Variants in TTC27 observed in about 807,000 individuals in gnomAD.
TTC27 encodes the protein tetratricopeptide repeat domain 27.
In TTC27, 79 loss-of-function variants were observed where a neutral mutation model predicts 115.9. The observed-to-expected ratio is 0.68, with a 90% CI of 0.57 to 0.82. TTC27 has a LOEUF of 0.82. TTC27 is among the 40% of genes least tolerant of loss of function. TTC27 has a pLI of 0.00. For missense variants in TTC27, 1,054 were observed against 993.1 expected, an observed-to-expected ratio of 1.06 and a Z score of -0.82; for synonymous variants, 401 against 356.0, an observed-to-expected ratio of 1.13 and a Z score of -1.42.
intron 9 of TTC27, among the ~76,000 whole-genome samples, chr2:32,699,082 A>G (rs1489326595): frequency 6.6e-6 from 1 of 152,232 alleles, no homozygotes; most frequent in Non-Finnish European, 1.5e-5. Flanking sequence ...AAAAGAAGAC[A>G]GAAGAAAAGT....
chr2:32,702,613 A>G (rs1667225772), intron 9 of TTC27, among the ~76,000 whole-genome samples, 194 bp from the exon 10 acceptor site: 1 of 152,250 alleles, frequency 6.6e-6, no homozygotes, highest in South Asian at 2.1e-4. Context: ...AATGCCAGAA[A>G]GCATTCTCAT....
chr2:32,751,388 A>G (rs1323079714), intron 12 of TTC27, among the ~76,000 whole-genome samples: 1 of 151,826 alleles, frequency 6.6e-6, no homozygotes, highest in African/African-American at 2.4e-5. Flanking sequence ...TTACTCTTTT[A>G]ATGAGAAGAG....
intron 10 of TTC27, among the ~76,000 whole-genome samples, chr2:32,706,732 T>C (rs1381828011): frequency 1.3e-5 from 2 of 151,922 alleles, no homozygotes; most frequent in African/African-American, 4.8e-5. Context: ...GCCCAGCTAA[T>C]TTTGTATTTT....
At chr2:32,791,206 A>G (rs1282562043) in intron 16 of TTC27, among the ~76,000 whole-genome samples, 3 of 152,220 alleles carry the variant, frequency 2.0e-5, no homozygotes, top group African/African-American at 7.2e-5. Context: ...ATCCTTGCAG[A>G]CGAATCCTCA....
chr2:32,695,644 T>C (rs942274138), intron 9 of TTC27, among the ~76,000 whole-genome samples: 1 of 139,180 alleles, frequency 7.2e-6, no homozygotes, highest in Non-Finnish European at 1.5e-5. Flanking sequence ...ACTTAAACCC[T>C]GGAGGCGGAG....
At chr2:32,650,016 A>T in intron 4 of TTC27, 115 bp from the exon 5 acceptor site, 1 of 809,104 alleles carries the variant, frequency 1.2e-6, no homozygotes, top group Non-Finnish European at 2.0e-6. Flanking sequence ...GGGTAATCTT[A>T]TTGAGGAATA....
intron 18 of TTC27, among the ~76,000 whole-genome samples, chr2:32,813,013 G>C (rs1304129305): frequency 6.6e-6 from 1 of 152,152 alleles, no homozygotes; most frequent in East Asian, 1.9e-4. Flanking sequence ...ATGCAGAGCT[G>C]TAGCATATAC....
chr2:32,805,992 G>T (rs1219613902), intron 16 of TTC27, among the ~76,000 whole-genome samples: 1 of 152,062 alleles, frequency 6.6e-6, no homozygotes, highest in Non-Finnish European at 1.5e-5. Context: ...AATATCTCCA[G>T]TACTTTGGAC....
chr2:32,698,002 C>G (rs115433645), intron 9 of TTC27, among the ~76,000 whole-genome samples: 2,642 of 152,244 alleles, frequency 0.017, 65 homozygotes, highest in African/African-American at 0.061. Flanking sequence ...ATCTGCCTGC[C>G]TCAGCCCCAA....
intron 12 of TTC27, among the ~76,000 whole-genome samples, chr2:32,737,938 C>T (rs1318763913): frequency 6.6e-6 from 1 of 152,022 alleles, no homozygotes; most frequent in Non-Finnish European, 1.5e-5. Context: ...ATCACTTGGG[C>T]CTGGGAGGTT....
At position 32,736,772 on chromosome 2, in the gene TTC27, G is replaced by A. The variant is rs373919465; in HGVS notation, c.1408G>A (p.Glu470Lys). Residue 470 changes from glutamate to lysine, a missense_variant, in exon 12 of 20, where the codon GAA (glutamate) becomes AAA (lysine). Transcript: ENST00000317907. ...GATATTTGAAAAGCTAGAAATGTGG[G>A]AAGATGTTGTCATTTGTTATGAAAG... ...LQIFEKLEMWEDVVICYERAG... is the reference protein window; with the variant it reads ...LQIFEKLEMWKDVVICYERAG... 4 of 1,613,904 alleles carry A rather than the reference G, an allele frequency of 2.5e-6. No homozygotes were observed. In the African/African-American group the frequency reaches 4.0e-5, roughly 16 times the overall value.
chr2:32,657,466 G>A (rs1316778256), intron 5 of TTC27, among the ~76,000 whole-genome samples: 1 of 149,660 alleles, frequency 6.7e-6, no homozygotes, highest in Admixed American at 6.8e-5. Flanking sequence ...CCATTCTCCT[G>A]CCTCAGCCTC....
At chr2:32,642,673 T>G (rs569529108) in intron 4 of TTC27, among the ~76,000 whole-genome samples, 1 of 152,092 alleles carries the variant, frequency 6.6e-6, no homozygotes, top group South Asian at 2.1e-4. Context: ...TTTGTTTGTT[T>G]TGTTTTTTTT....
At chr2:32,702,025 AC>A (rs1272307208) in intron 9 of TTC27, among the ~76,000 whole-genome samples, 5 of 150,468 alleles carry the variant, frequency 3.3e-5, no homozygotes, top group African/African-American at 1.2e-4. Flanking sequence ...AAAAAAAAAA[AC>A]AAAAACAAAA....
chr2:32,770,791 A>T (rs1315409187), intron 13 of TTC27, among the ~76,000 whole-genome samples: 1 of 152,162 alleles, frequency 6.6e-6, no homozygotes, highest in African/African-American at 2.4e-5. Flanking sequence ...TTTTGAAAGG[A>T]TAAAATATTT....
chr2:32,785,589 G>T (rs190408726), intron 15 of TTC27, among the ~76,000 whole-genome samples: 1 of 151,872 alleles, frequency 6.6e-6, no homozygotes. Context: ...GCTATTGAGG[G>T]TTTTGTTTTT....
In TTC27 at chr2:32,633,906, C is replaced by T. The variant is rs1230483972; in HGVS notation, c.297C>T (p.Ser99=). 1.2e-6 allele frequency: 2 copies of T among 1,613,800 alleles called. No homozygotes were observed. Among genetic ancestry groups the T allele is most frequent in the South Asian group, 2.2e-5 (2 of 91,014 alleles). The change falls in exon 3 of 20, where the codon AGC becomes AGT. Residue 99 remains serine, a synonymous_variant. Coordinates refer to ENST00000317907, the MANE Select transcript of TTC27 (RefSeq NM_017735.5). ...RQQLIFLLGV[S]SLQLFVQSNW... is the part of the protein sequence containing the mutation. ...AGTTGATATTTCTACTTGGTGTGAG[C>T]AGTTTGCAACTTTTTGTTCAGAGCA...
At chr2:32,754,844 C>T (rs1669155133) in intron 12 of TTC27, among the ~76,000 whole-genome samples, 1 of 149,448 alleles carries the variant, frequency 6.7e-6, no homozygotes, top group Non-Finnish European at 1.5e-5. Context: ...CCACCTCCCT[C>T]CCGGACGGGG....
At chr2:32,692,561 T>C (rs1220367254) in intron 9 of TTC27, among the ~76,000 whole-genome samples, 1 of 152,202 alleles carries the variant, frequency 6.6e-6, no homozygotes, top group African/African-American at 2.4e-5. Context: ...GTATATTTTA[T>C]GTTATATGTA....
Sources: allele counts gnomAD v4.1 joint callset (sites outside exome capture counted in the v4.1 genomes callset), GRCh38; gene constraint gnomAD v4.1.1; transcripts MANE v1.5; gene names NCBI Gene and HGNC (gene_info 2026-07-23, HGNC 2026-07-21).